The following SPAG16 variants were observed in gnomAD, a reference collection of about 807,000 sequenced individuals.
SPAG16 encodes sperm associated antigen 16.
A neutral mutation model predicts 80.4 loss-of-function variants in SPAG16; 86 were observed. The ratio of observed to expected loss-of-function variants is 1.07; its 90% CI spans 0.90 to 1.28. The LOEUF is 1.28. SPAG16 is among the 50% of genes most tolerant of loss of function. The pLI is 0.00. For synonymous variants in SPAG16, 294 were observed against 265.9 expected, an observed-to-expected ratio of 1.11 and a Z score of -1.03; for missense variants, 870 against 765.3, an observed-to-expected ratio of 1.14 and a Z score of -1.61.
At chr2:213,761,949 C>T (rs1463787372) in intron 10 of SPAG16, among the ~76,000 whole-genome samples, 1 of 151,872 alleles carries the variant, frequency 6.6e-6, no homozygotes, top group Admixed American at 6.6e-5. Context: ...GGCAAAAATG[C>T]TCAAAAAATA....
intron 10 of SPAG16, among the ~76,000 whole-genome samples, chr2:213,700,372 A>C (rs915180341): frequency 6.6e-6 from 1 of 152,342 alleles, no homozygotes; most frequent in East Asian, 1.9e-4. Context: ...TTTAAAATGT[A>C]TGACATAAAT....
chr2:213,365,908 T>C (rs1003617226), intron 8 of SPAG16, among the ~76,000 whole-genome samples: 4 of 150,788 alleles, frequency 2.7e-5, no homozygotes, highest in Admixed American at 6.6e-5. Flanking sequence ...TTTGGGAGGC[T>C]GAGGCGGGCG....
At chr2:213,461,320 G>T (rs2072346307) in intron 9 of SPAG16, among the ~76,000 whole-genome samples, 1 of 152,210 alleles carries the variant, frequency 6.6e-6, no homozygotes, top group Admixed American at 6.5e-5. Flanking sequence ...AGCAGTATAA[G>T]ATAATGTTAG....
At chr2:213,888,314 G>T (rs2076647201) in intron 11 of SPAG16, among the ~76,000 whole-genome samples, 1 of 151,694 alleles carries the variant, frequency 6.6e-6, no homozygotes, top group Non-Finnish European at 1.5e-5. Flanking sequence ...TTATAAGTTA[G>T]AGCATTCAGA....
chr2:213,761,862 T>C (rs1000559149), intron 10 of SPAG16, among the ~76,000 whole-genome samples: 1 of 145,716 alleles, frequency 6.9e-6, no homozygotes, highest in Non-Finnish European at 1.5e-5. Flanking sequence ...TGAGATTCCG[T>C]GTCAAAAAAC....
intron 10 of SPAG16, among the ~76,000 whole-genome samples, chr2:213,790,988 A>G (rs562977058): frequency 3.5e-4 from 53 of 152,222 alleles, no homozygotes; most frequent in Non-Finnish European, 6.8e-4. Context: ...AAAATAGCAC[A>G]TAAGTATCCA....
At chr2:213,619,887 A>G (rs1321439362) in intron 10 of SPAG16, among the ~76,000 whole-genome samples, 3 of 152,246 alleles carry the variant, frequency 2.0e-5, no homozygotes, top group Non-Finnish European at 2.9e-5. Flanking sequence ...CACTATTCAC[A>G]GTAGCCAAGA....
At chr2:213,417,115 G>A (rs2069302003) in intron 9 of SPAG16, among the ~76,000 whole-genome samples, 1 of 152,150 alleles carries the variant, frequency 6.6e-6, no homozygotes, top group Non-Finnish European at 1.5e-5. Flanking sequence ...GCTTATCAAA[G>A]GCATGATCTT....
chr2:214,171,284 C>CAA (rs2056859327), intron 15 of SPAG16, among the ~76,000 whole-genome samples: 1 of 151,852 alleles, frequency 6.6e-6, no homozygotes, highest in East Asian at 1.9e-4. Flanking sequence ...TGTGAAGCAT[C>CAA]AATTTTTGAC....
chr2:213,857,254 G>T (rs1253859469), intron 10 of SPAG16, among the ~76,000 whole-genome samples: 2 of 152,126 alleles, frequency 1.3e-5, no homozygotes, highest in African/African-American at 2.4e-5. Flanking sequence ...AGCATAAACA[G>T]CCCTTTATTG....
chr2:213,516,555 C>A (rs1305235822), intron 10 of SPAG16, among the ~76,000 whole-genome samples: 1 of 152,062 alleles, frequency 6.6e-6, no homozygotes. Context: ...CTCCTTCATT[C>A]CAGAATATCT....
chr2:213,827,063 C>G (rs2073349564), intron 10 of SPAG16, among the ~76,000 whole-genome samples: 1 of 151,666 alleles, frequency 6.6e-6, no homozygotes, highest in African/African-American at 2.4e-5. Context: ...CCTTTATTTT[C>G]TTCTTATGTG....
intron 10 of SPAG16, among the ~76,000 whole-genome samples, chr2:213,633,442 T>C (rs989697477): frequency 6.6e-6 from 1 of 152,152 alleles, no homozygotes; most frequent in Non-Finnish European, 1.5e-5. Context: ...TATGCTCTAA[T>C]ATATAGTCTA....
intron 9 of SPAG16, among the ~76,000 whole-genome samples, chr2:213,450,384 T>G (rs541981770): frequency 1.9e-4 from 29 of 152,350 alleles, no homozygotes; most frequent in African/African-American, 6.7e-4. Flanking sequence ...CTAGTTGTAA[T>G]CAATGCCTAA....
At chr2:214,405,183 G>C (rs140270935) in intron 15 of SPAG16, among the ~76,000 whole-genome samples, 1 of 151,778 alleles carries the variant, frequency 6.6e-6, no homozygotes, top group African/African-American at 2.4e-5. Flanking sequence ...GGAGTGTAAC[G>C]GTGGGAATAG....
intron 15 of SPAG16, among the ~76,000 whole-genome samples, chr2:214,150,718 G>A (rs2055933144): frequency 6.6e-6 from 1 of 151,484 alleles, no homozygotes; most frequent in Middle Eastern, 3.4e-3. Context: ...AAGGTGCTTT[G>A]AAATATCATT....
chr2:214,363,965 A>G (rs555651180), intron 15 of SPAG16, among the ~76,000 whole-genome samples: 36 of 152,002 alleles, frequency 2.4e-4, no homozygotes, highest in Non-Finnish European at 4.7e-4. Context: ...TCTCAACTCT[A>G]TTTTGTTAGA....
chr2:213,308,432 T>C (rs10207496), intron 3 of SPAG16, among the ~76,000 whole-genome samples: 33,039 of 152,046 alleles, frequency 0.22, 4,427 homozygotes, highest in Non-Finnish European at 0.31. Flanking sequence ...TTGGATTTTT[T>C]TTCAGATGTT....
chr2:214,060,376 T>C (rs1371687351), intron 13 of SPAG16, among the ~76,000 whole-genome samples: 2 of 152,140 alleles, frequency 1.3e-5, no homozygotes, highest in Admixed American at 6.6e-5. Flanking sequence ...TGACTATATA[T>C]CTCTAAAACC....
Sources: gnomAD v4.1 joint callset for allele counts (sites outside exome capture counted in the v4.1 genomes callset) on GRCh38, gnomAD v4.1.1 for gene constraint, MANE v1.5 for transcripts, NCBI Gene and HGNC (gene_info 2026-07-23, HGNC 2026-07-21) for gene names.